Variants in MBNL2 observed in about 807,000 individuals in gnomAD.
MBNL2 encodes muscleblind like splicing regulator 2.
Under a neutral mutation model 41.9 loss-of-function variants are expected in MBNL2, and 17 were observed. The ratio of observed to expected loss-of-function variants is 0.41; its 90% CI spans 0.28 to 0.61. MBNL2 has a LOEUF of 0.61. Ranked by LOEUF, MBNL2 falls within the 20% of genes least tolerant of loss-of-function variation. The pLI, the probability that MBNL2 is intolerant of heterozygous loss-of-function variation, is 0.35. For synonymous variants in MBNL2, 195 were observed against 182.9 expected (o/e 1.07, Z -0.53); for missense variants, 336 against 505.6 (o/e 0.66, Z 3.22).
At chr13:97,237,187 G>T (rs1040407972) in intron 1 of MBNL2, among the ~76,000 whole-genome samples, 2 of 152,200 alleles carry the variant, frequency 1.3e-5, no homozygotes, top group African/African-American at 4.8e-5. Context: ...TTGGACCTCT[G>T]GTTTCTTGTG....
chr13:97,200,966 T>C, the MBNL2 span, among the ~76,000 whole-genome samples: 1 of 152,208 alleles, frequency 6.6e-6, no homozygotes, highest in Non-Finnish European at 1.5e-5. Context: ...AGTTCATTTC[T>C]CATCAACTAT....
the MBNL2 span, among the ~76,000 whole-genome samples, chr13:97,212,341 G>C: frequency 6.6e-6 from 1 of 151,986 alleles, no homozygotes; most frequent in African/African-American, 2.4e-5. Context: ...TGTTCAGAGG[G>C]CGCTTTCTGC....
the MBNL2 span, among the ~76,000 whole-genome samples, chr13:97,211,059 C>A: frequency 6.6e-6 from 1 of 152,098 alleles, no homozygotes; most frequent in Non-Finnish European, 1.5e-5. Context: ...CATGATCTGA[C>A]ACCCTATGAG....
chr13:97,234,091 A>C (rs1346161523), intron 1 of MBNL2, among the ~76,000 whole-genome samples: 1 of 152,126 alleles, frequency 6.6e-6, no homozygotes, highest in Non-Finnish European at 1.5e-5. Context: ...GTTTCCAGCT[A>C]TTGTGTATCT....
chr13:97,368,294 TC>T, intron 8 of MBNL2, among the ~76,000 whole-genome samples: 1 of 151,988 alleles, frequency 6.6e-6, no homozygotes, highest in African/African-American at 2.4e-5. Flanking sequence ...TACACTGTAG[TC>T]CCAGCTACTT....
intron 2 of MBNL2, among the ~76,000 whole-genome samples, chr13:97,299,303 T>C (rs746847785): frequency 6.6e-6 from 1 of 152,184 alleles, no homozygotes; most frequent in Non-Finnish European, 1.5e-5. Context: ...ACTATCATAG[T>C]GCATGATAGT....
chr13:97,359,586 G>A (rs1395289109), intron 7 of MBNL2, among the ~76,000 whole-genome samples: 1 of 152,142 alleles, frequency 6.6e-6, no homozygotes, highest in Non-Finnish European at 1.5e-5. Context: ...GATTTTTGTT[G>A]ATGAAATGTA....
At chr13:97,194,308 A>G in the MBNL2 span, among the ~76,000 whole-genome samples, 1 of 152,212 alleles carries the variant, frequency 6.6e-6, no homozygotes, top group African/African-American at 2.4e-5. Context: ...TTCAATGCCT[A>G]CCACTGTACC....
intron 3 of MBNL2, 76 bp from the exon 4 acceptor site, chr13:97,342,940 C>G (rs1371289865): frequency 1.1e-5 from 10 of 883,786 alleles, no homozygotes; most frequent in African/African-American, 1.7e-5. Context: ...ACATTTTGCT[C>G]AAATGACATT....
chr13:97,201,589 TCTA>T, the MBNL2 span, among the ~76,000 whole-genome samples: 2 of 152,214 alleles, frequency 1.3e-5, no homozygotes, highest in Non-Finnish European at 2.9e-5. Flanking sequence ...GAAAGCTCTG[TCTA>T]CTAAAAACTT....
At chr13:97,233,735 A>G (rs2042801562) in intron 1 of MBNL2, among the ~76,000 whole-genome samples, 1 of 151,680 alleles carries the variant, frequency 6.6e-6, no homozygotes, top group South Asian at 2.1e-4. Flanking sequence ...AGTCAGGATC[A>G]AAGGGACTGG....
chr13:97,200,107 G>A, the MBNL2 span, among the ~76,000 whole-genome samples: 27 of 152,350 alleles, frequency 1.8e-4, no homozygotes, highest in Admixed American at 1.5e-3. Flanking sequence ...ATGGGAGCCT[G>A]CATCTTTCTC....
intron 8 of MBNL2, among the ~76,000 whole-genome samples, chr13:97,372,014 T>C (rs2064432041): frequency 6.6e-6 from 1 of 152,180 alleles, no homozygotes; most frequent in South Asian, 2.1e-4. Context: ...AACCACAGGC[T>C]TCTGCTTAAA....
chr13:97,158,948 C>G, the MBNL2 span, among the ~76,000 whole-genome samples: 3 of 150,590 alleles, frequency 2.0e-5, no homozygotes, highest in Non-Finnish European at 4.4e-5. Context: ...TCCTGGGTAT[C>G]CTTGTTGACT....
chr13:97,224,561 AT>A (rs1232968785), intron 1 of MBNL2, among the ~76,000 whole-genome samples: 2 of 151,032 alleles, frequency 1.3e-5, no homozygotes, highest in Non-Finnish European at 2.9e-5. Context: ...CTGTCTTTTA[AT>A]AGAATTGAAT....
At chr13:97,183,941 T>C in the MBNL2 span, among the ~76,000 whole-genome samples, 1 of 152,244 alleles carries the variant, frequency 6.6e-6, no homozygotes, top group Non-Finnish European at 1.5e-5. Context: ...TCTCTTTTTT[T>C]CACAATCATG....
At chr13:97,144,423 C>CTTTTTTTTTTTTTTT in the MBNL2 span, among the ~76,000 whole-genome samples, 62 of 118,070 alleles carry the variant, frequency 5.3e-4, 6 homozygotes, top group African/African-American at 1.9e-3. Flanking sequence ...CATGATACTT[C>CTTTTTTTTTTTTTTT]TTTTTTTTTT....
rs747939509 is a variant in MBNL2 at position 97,346,856 on chromosome 13, G to A, written c.593G>A (p.Arg198His). Residue 198 changes from arginine to histidine, a missense_variant, in exon 5 of 9, where the codon CGC becomes CAC. Physicochemically the swap from Arg to His is conservative, Grantham distance 29. Coordinates refer to ENST00000679496, the MANE Select transcript of MBNL2 (RefSeq NM_001382683.1). This position sits in a 1 kb window ranked among gnomAD's most constrained non-coding sequence, Gnocchi z 4.2. ...TGTGCCCGGGGAGAGACCGACTGCC[G>A]CTTTGCACACCCCGCAGACAGCACC... ...GNCARGETDC[R>H]FAHPADSTMI... is the part of the protein sequence containing the mutation. 2 of 1,613,998 alleles carry A rather than the reference G, an allele frequency of 1.2e-6. No individual in the cohort carries two copies. Among genetic ancestry groups the A allele is most frequent in the East Asian group, 2.2e-5 (1 of 44,856 alleles).
chr13:97,349,423 A>AT (rs577380818), intron 5 of MBNL2, among the ~76,000 whole-genome samples: 9 of 151,632 alleles, frequency 5.9e-5, no homozygotes, highest in South Asian at 4.2e-4. Flanking sequence ...TAGGAAGCAA[A>AT]TTTTTTTTTC....
Sources: gnomAD v4.1 joint callset for allele counts (sites outside exome capture counted in the v4.1 genomes callset) on GRCh38, gnomAD v4.1.1 for gene constraint, Gnocchi (gnomAD v3.1) non-coding constraint, MANE v1.5 for transcripts, NCBI Gene and HGNC (gene_info 2026-07-23, HGNC 2026-07-21) for gene names.